OPHN1: variants seen among roughly 807,000 people sequenced by gnomAD.
OPHN1 encodes oligophrenin 1, also known as oligophrenin-1.
OPHN1 carries 11 observed loss-of-function variants against 60.7 expected under a neutral mutation model. The ratio of observed to expected loss-of-function variants is 0.18; its 90% CI spans 0.11 to 0.30. OPHN1 has a LOEUF of 0.30. Among genes scored for constraint, OPHN1 ranks in the 10% least tolerant of loss-of-function variants. The pLI, the probability that OPHN1 is intolerant of heterozygous loss-of-function variation, is 1.00. For missense variants in OPHN1, 449 were observed against 611.0 expected, an observed-to-expected ratio of 0.73 and a Z score of 2.80; for synonymous variants, 226 against 222.6, an observed-to-expected ratio of 1.02 and a Z score of -0.14.
chrX:68,180,580 C>T (rs182749909), intron 15 of OPHN1, among the ~76,000 whole-genome samples: 2 of 111,225 alleles, frequency 1.8e-5, no homozygotes, highest in East Asian at 5.7e-4. Flanking sequence ...CTACAGATAC[C>T]CTGGCAAATT....
At chrX:68,256,764 G>C (rs2077865864) in intron 5 of OPHN1, among the ~76,000 whole-genome samples, 1 of 111,371 alleles carries the variant, frequency 9.0e-6, no homozygotes, top group South Asian at 3.8e-4. Context: ...AGGCACAGTG[G>C]CTCACATCTG....
chrX:68,196,647 C>T (rs2077513943), intron 12 of OPHN1, among the ~76,000 whole-genome samples: 2 of 111,850 alleles, frequency 1.8e-5, no homozygotes, highest in Admixed American at 9.5e-5. Flanking sequence ...CCTGCATAAC[C>T]GTGTTCTAAA....
At chrX:68,069,236 A>G (rs2076924270) in intron 20 of OPHN1, among the ~76,000 whole-genome samples, 1 of 111,826 alleles carries the variant, frequency 8.9e-6, no homozygotes, top group Non-Finnish European at 1.9e-5. Context: ...TAGACCTTCT[A>G]TCTACTGACA....
rs751239107 is a variant in OPHN1 at position 68,272,500 on chromosome X, A to G, written c.384+2238T>C. ...TATACAATGACAGTCCTATAAGATT[A>G]TAATACAGTATTTTTATATGTATGC... On this transcript the variant is annotated intron_variant, in intron 5 of 24. Transcript: ENST00000355520. 8.9e-5 allele frequency among the ~76,000 whole-genome samples: 10 copies of G among 112,580 alleles called. No homozygotes were observed. The South Asian group carries it at 3.7e-3, about 42-fold the overall frequency.
At chrX:68,271,603 G>A (rs188457970) in intron 5 of OPHN1, among the ~76,000 whole-genome samples, 7 of 110,775 alleles carry the variant, frequency 6.3e-5, no homozygotes, top group East Asian at 2.9e-4. Flanking sequence ...GATTTGGCCC[G>A]GTGGTTCATA....
intron 2 of OPHN1, among the ~76,000 whole-genome samples, chrX:68,324,656 G>T (rs1478688801): frequency 1.9e-5 from 2 of 106,980 alleles, no homozygotes; most frequent in Non-Finnish European, 3.9e-5. Context: ...ATAATAATTA[G>T]AAAATACTTT....
intron 15 of OPHN1, among the ~76,000 whole-genome samples, chrX:68,137,938 T>G (rs768748445): frequency 8.9e-6 from 1 of 111,967 alleles, no homozygotes; most frequent in East Asian, 2.8e-4. Flanking sequence ...TATTATTTTT[T>G]TTCACAGAGA....
At chrX:68,303,751 G>C (rs2078132310) in intron 2 of OPHN1, among the ~76,000 whole-genome samples, 1 of 111,121 alleles carries the variant, frequency 9.0e-6, no homozygotes, top group African/African-American at 3.3e-5. Flanking sequence ...ACACGGATGA[G>C]CCTTGAAGAC....
intron 19 of OPHN1, among the ~76,000 whole-genome samples, chrX:68,084,861 A>G (rs981367777): frequency 9.0e-6 from 1 of 111,367 alleles, no homozygotes; most frequent in African/African-American, 3.3e-5. Flanking sequence ...TTAAAACCAC[A>G]CTCTCTTTAA....
chrX:68,111,359 C>T (rs1221018952), intron 18 of OPHN1, among the ~76,000 whole-genome samples: 1 of 112,420 alleles, frequency 8.9e-6, no homozygotes, highest in South Asian at 3.7e-4. Flanking sequence ...GGACTATTCT[C>T]CAGGATCCCG....
At chrX:68,084,766 T>C (rs1347849069) in intron 19 of OPHN1, among the ~76,000 whole-genome samples, 1 of 111,730 alleles carries the variant, frequency 9.0e-6, no homozygotes, top group Non-Finnish European at 1.9e-5. Flanking sequence ...GAAAATATAC[T>C]GAAAGGCTCA....
chrX:68,192,784 TG>T (rs1308130921), intron 15 of OPHN1, 134 bp downstream of exon 15: 1 of 534,043 alleles, frequency 1.9e-6, no homozygotes, highest in African/African-American at 2.3e-5. Context: ...GGCAAGTATG[TG>T]TATGTTTTAC....
chrX:68,124,399 A>T (rs769933280), intron 15 of OPHN1, among the ~76,000 whole-genome samples: 4 of 111,408 alleles, frequency 3.6e-5, no homozygotes, highest in Non-Finnish European at 7.5e-5. Flanking sequence ...GCACCCAAAC[A>T]TATAAATATT....
At chrX:68,203,209 C>T (rs1166184748) in intron 10 of OPHN1, among the ~76,000 whole-genome samples, 1 of 111,677 alleles carries the variant, frequency 9.0e-6, no homozygotes, top group African/African-American at 3.3e-5. Context: ...GCGCCAAGAT[C>T]GTGCCACTGC....
chrX:68,395,132 T>A (rs1409114363), intron 2 of OPHN1, among the ~76,000 whole-genome samples: 1 of 106,251 alleles, frequency 9.4e-6, no homozygotes, highest in African/African-American at 3.5e-5. Context: ...ATTTTTTGTA[T>A]TTTTGGTAGA....
intron 2 of OPHN1, among the ~76,000 whole-genome samples, chrX:68,353,471 G>A (rs1303394605): frequency 2.8e-5 from 3 of 106,823 alleles, no homozygotes; most frequent in Non-Finnish European, 3.8e-5. Context: ...CTATTCAGGA[G>A]GCTGAAGCAG....
chrX:68,177,876 T>C (rs1316404949), intron 15 of OPHN1, among the ~76,000 whole-genome samples: 3 of 111,909 alleles, frequency 2.7e-5, no homozygotes, highest in Non-Finnish European at 5.6e-5. Context: ...AACATGAGAT[T>C]TGGGCAGGGA....
chrX:68,055,019 A>G (rs1475794360), intron 21 of OPHN1, among the ~76,000 whole-genome samples: 1 of 112,285 alleles, frequency 8.9e-6, no homozygotes, highest in African/African-American at 3.2e-5. Context: ...TAAAATGTAG[A>G]AGATAAAAGT....
rs1169723463 is a variant in OPHN1, at chrX:68,046,840, T to G, written c.*332A>C. 9.0e-6 allele frequency: 1 copy of G among 110,930 alleles called. No individual in the cohort carries two copies. Among genetic ancestry groups the G allele is most frequent in the African/African-American group, 3.3e-5 (1 of 30,436 alleles). 9.1% of individuals were successfully genotyped at this position (110,930 alleles called of 1,213,427 possible). A position where few individuals can be genotyped will look rare whatever the true frequency, so the allele number is the denominator to read the frequency against. On this transcript the variant is annotated 3_prime_UTR_variant, in exon 25 of 25. Transcript: ENST00000355520. Reference sequence around the variant, plus strand: ...AGGAAGCAGGAAGTTCAGGGAAGAGTTGAAAACTGAGCTCCCCTCTTCAAC... The same window carrying G: ...AGGAAGCAGGAAGTTCAGGGAAGAGGTGAAAACTGAGCTCCCCTCTTCAAC...
Sources: allele counts gnomAD v4.1 joint callset (sites outside exome capture counted in the v4.1 genomes callset), GRCh38; gene constraint gnomAD v4.1.1; transcripts MANE v1.5; gene names NCBI Gene and HGNC (gene_info 2026-07-23, HGNC 2026-07-21).